The following CHRND variants were observed in gnomAD, a reference collection of about 807,000 sequenced individuals.
The protein encoded by CHRND is acetylcholine receptor subunit delta.
CHRND carries 40 observed loss-of-function variants against 57.8 expected under a neutral mutation model. The observed-to-expected ratio is 0.69, with a 90% CI of 0.54 to 0.90. The LOEUF (loss-of-function observed/expected upper bound fraction) is 0.90. Among genes scored for constraint, CHRND ranks in the 40% least tolerant of loss-of-function variants. The pLI is 0.00. For synonymous variants in CHRND, 237 were observed against 270.6 expected (o/e 0.88, Z 1.22); for missense variants, 634 against 673.9 (o/e 0.94, Z 0.66).
chr2:232,535,378 C>A lies in CHRND; in HGVS notation c.*66C>A. On this transcript the variant is annotated 3_prime_UTR_variant, in exon 12 of 12. Transcript: ENST00000258385. ...AGAGGAGCCACAGTCCCTAATGACA[C>A]CCACTCCTAGCCCTGAGGCTCGTGC... 1 of 1,578,092 alleles carries A rather than the reference C, an allele frequency of 6.3e-7. No homozygotes were observed. Among genetic ancestry groups the A allele is most frequent in the Non-Finnish European group, 8.6e-7 (1 of 1,158,390 alleles).
Position 232,529,083 on chromosome 2 carries a change from C to G in CHRND, c.619+112C>G, listed in dbSNP as rs926905862. 9.3e-6 allele frequency: 7 copies of G among 753,944 alleles called. No individual in the cohort carries two copies. In the Admixed American group the frequency reaches 9.9e-5, roughly 11 times the overall value. The allele number at this position is 753,944 out of a possible 1,614,324, so 46.7% of individuals were successfully genotyped here. ...GCACACACACACACACTTAGGACACCAATACACAGCTCCTCACACACGCAG... is the reference window on the plus strand; with the variant it reads ...GCACACACACACACACTTAGGACACGAATACACAGCTCCTCACACACGCAG... On this transcript the variant is annotated intron_variant, in intron 6 of 11. Transcript: ENST00000258385.
Position 232,526,612 on chromosome 2 carries a change from G to A in CHRND, c.136G>A (p.Ala46Thr), listed in dbSNP as rs1085307559. ...KGYNKELRPVAHKEESVDVAL... is the reference protein window; with the variant it reads ...KGYNKELRPVTHKEESVDVAL... ...CTACAACAAGGAGCTCCGGCCCGTGGCACACAAAGAGGAGAGTGTGGACGT... is the reference window on the plus strand; with the variant it reads ...CTACAACAAGGAGCTCCGGCCCGTGACACACAAAGAGGAGAGTGTGGACGT... Residue 46 changes from alanine to threonine, a missense_variant, in exon 2 of 12, where the codon GCA becomes ACA. Ala to Thr is a moderately conservative substitution (Grantham distance 58). Coordinates refer to ENST00000258385, the MANE Select transcript of CHRND (RefSeq NM_000751.3). The A allele has an allele frequency of 6.2e-7, 1 of 1,613,730 alleles. No individual in the cohort carries two copies. Among genetic ancestry groups the A allele is most frequent in the Non-Finnish European group, 8.5e-7 (1 of 1,180,022 alleles).
intron 4 of CHRND, 59 bp downstream of exon 4, chr2:232,528,430 C>T (rs1574630331): frequency 1.1e-5 from 17 of 1,613,728 alleles, no homozygotes; most frequent in East Asian, 4.5e-5. Flanking sequence ...CCTTAAGCCT[C>T]CTCTGCCTCC....
At chr2:232,528,408 C>T (rs765179580) in intron 4 of CHRND, 37 bp downstream of exon 4, 7 of 1,613,324 alleles carry the variant, frequency 4.3e-6, no homozygotes, top group South Asian at 3.3e-5. Flanking sequence ...CCTCTGTCAC[C>T]CTGCCTCCTT....
intron 7 of CHRND, among the ~76,000 whole-genome samples, chr2:232,531,088 T>C (rs1235666174): frequency 6.6e-6 from 1 of 152,168 alleles, no homozygotes. Context: ...TTAAACACAC[T>C]CTGTCACCAC....
In CHRND at chr2:232,528,589, C is replaced by T. The variant is rs199984639; in HGVS notation, c.442C>T (p.Arg148Cys). 91 of 1,614,006 alleles carry T rather than the reference C, an allele frequency of 5.6e-5. No homozygotes were observed. The Middle Eastern group carries it at 6.6e-4, about 12-fold the overall frequency. ...GTACTGGCTGCCACCTGCCATCTTCCGCTCCTCCTGCCCCATCTCTGTCAC... is the reference window on the plus strand; with the variant it reads ...GTACTGGCTGCCACCTGCCATCTTCTGCTCCTCCTGCCCCATCTCTGTCAC... ...FVYWLPPAIF[R>C]SSCPISVTYF... The change falls in exon 5 of 12, where the codon CGC (arginine) becomes TGC (cysteine). Residue 148 changes from arginine (R) to cysteine (C), a missense_variant. Physicochemically the swap from Arg to Cys is radical, Grantham distance 180 (BLOSUM62 -3). Coordinates refer to ENST00000258385, the MANE Select transcript of CHRND (RefSeq NM_000751.3).
chr2:232,529,703 C>A (rs113307585), intron 6 of CHRND, among the ~76,000 whole-genome samples: 10 of 152,186 alleles, frequency 6.6e-5, no homozygotes, highest in African/African-American at 2.4e-4. Flanking sequence ...ATGGCCTCAG[C>A]TTCTATTTTT....
chr2:232,529,299 G>A (rs1281933962), intron 6 of CHRND, among the ~76,000 whole-genome samples: 1 of 152,184 alleles, frequency 6.6e-6, no homozygotes, highest in Non-Finnish European at 1.5e-5. Context: ...AGTCTTTCCT[G>A]TGCCTGGTGA....
chr2:232,531,792 A>G, intron 9 of CHRND, 136 bp downstream of exon 9: 1 of 717,582 alleles, frequency 1.4e-6, no homozygotes, highest in Non-Finnish European at 2.5e-6. Context: ...TCTATAAACA[A>G]TCAAAAAAAT....
At chr2:232,529,899 G>A (rs1691618142) in intron 6 of CHRND, 40 bp from the exon 7 acceptor site, 1 of 1,607,958 alleles carries the variant, frequency 6.2e-7, no homozygotes. Flanking sequence ...TAGCCCCCTT[G>A]GCCTGGCCTG....
At position 232,528,538 on chromosome 2, in the gene CHRND, G is replaced by T. The variant is rs755141289; in HGVS notation, c.391G>T (p.Val131Leu). The change falls in exon 5 of 12, where the codon GTG (valine) becomes TTG (leucine). Residue 131 changes from valine to leucine, a missense_variant. By Grantham distance (32) the Val-to-Leu change is conservative. Transcript: ENST00000258385. The stretch of plus-strand genomic sequence containing the variant: ...CTTCCAGATCTCCTACTCCTGCAAC[G>T]TGCTTGTCTACCACTACGGCTTCGT... Reference protein sequence around the residue: ...GSFQISYSCNVLVYHYGFVYW... With the variant: ...GSFQISYSCNLLVYHYGFVYW... 3.7e-6 allele frequency: 6 copies of T among 1,614,052 alleles called. No individual in the cohort carries two copies. The highest frequency in any genetic ancestry group is 3.3e-4 in the Middle Eastern group (2 of 6,062).
At chr2:232,531,890 T>C (rs1279904399) in intron 9 of CHRND, among the ~76,000 whole-genome samples, 3 of 132,512 alleles carry the variant, frequency 2.3e-5, no homozygotes, top group Non-Finnish European at 4.6e-5. Flanking sequence ...AAAGCTGCAG[T>C]GAGCTGTGAT....
chr2:232,533,964 A>G lies in CHRND; in HGVS notation c.1081A>G (p.Met361Val). ...GGAGACCCTGCCGGAGCTCCTGCAC[A>G]TGTCCCGCCCAGCAGAGGATGGACC... ...FLETLPELLH[M>V]SRPAEDGPSP... Residue 361 changes from methionine to valine, a missense_variant, in exon 10 of 12, where the codon ATG becomes GTG. Transcript: ENST00000258385. The G allele has an allele frequency of 6.2e-7, 1 of 1,613,470 alleles. No homozygotes were observed. Among genetic ancestry groups the G allele is most frequent in the East Asian group, 2.2e-5 (1 of 44,878 alleles).
rs1288523389 is a variant in CHRND, at chr2:232,526,532, G to C, written c.56G>C (p.Ser19Thr). 6.2e-7 allele frequency: 1 copy of C among 1,613,656 alleles called. No homozygotes were observed. The highest frequency in any genetic ancestry group is 8.5e-7 in the Non-Finnish European group (1 of 1,180,034). Residue 19 changes from serine (S) to threonine (T), a missense_variant, in exon 2 of 12, where the codon AGC (serine) becomes ACC (threonine). Ser to Thr is a moderately conservative substitution (Grantham distance 58). Transcript: ENST00000258385. ...CCTTGTCGCTGACCCTCCCCAGGCA[G>C]CTGGGGGCTGAACGAGGAGGAGCGG... ...GLLAALAVCG[S>T]WGLNEEERLI...
chr2:232,528,521 TCTC>T lies in CHRND; in HGVS notation c.377_379del (p.Ser126del). On this transcript the variant is annotated inframe_deletion, in exon 5 of 12. Transcript: ENST00000258385. ...CCCAGCAATGACGGCTCCTTCCAGA[TCTC>T]CTACTCCTGCAACGTGCTTGTCTAC... 6.2e-7 allele frequency: 1 copy of T among 1,614,020 alleles called. No individual in the cohort carries two copies. The highest frequency in any genetic ancestry group is 8.5e-7 in the Non-Finnish European group (1 of 1,180,004).
In CHRND at chr2:232,526,514, G is replaced by T; in HGVS notation, c.53-15G>T. 2 of 1,613,448 alleles carry T rather than the reference G, an allele frequency of 1.2e-6. No individual in the cohort carries two copies. Among genetic ancestry groups the T allele is most frequent in the Non-Finnish European group, 1.7e-6 (2 of 1,180,016 alleles). On this transcript the variant is annotated splice_polypyrimidine_tract_variant and intron_variant, in intron 1 of 11. Coordinates refer to ENST00000258385, the MANE Select transcript of CHRND (RefSeq NM_000751.3). ...CCCAGGGCCCCATTCAGTCCTTGTC[G>T]CTGACCCTCCCCAGGCAGCTGGGGG... is the stretch of plus-strand genomic sequence containing the variant.
At chr2:232,529,811 G>A in intron 6 of CHRND, 128 bp from the exon 7 acceptor site, 1 of 919,484 alleles carries the variant, frequency 1.1e-6, no homozygotes, top group South Asian at 1.6e-5. Context: ...CCCACCAACG[G>A]GACCCCGTAG....
At position 232,528,590 on chromosome 2, in the gene CHRND, G is replaced by C; in HGVS notation, c.443G>C (p.Arg148Pro). ...TACTGGCTGCCACCTGCCATCTTCCGCTCCTCCTGCCCCATCTCTGTCACC... is the reference window on the plus strand; with the variant it reads ...TACTGGCTGCCACCTGCCATCTTCCCCTCCTCCTGCCCCATCTCTGTCACC... ...FVYWLPPAIF[R>P]SSCPISVTYF... Residue 148 changes from arginine (R) to proline (P), a missense_variant, in exon 5 of 12, where the codon CGC becomes CCC. Coordinates refer to ENST00000258385, the MANE Select transcript of CHRND (RefSeq NM_000751.3). The C allele has an allele frequency of 6.2e-7, 1 of 1,613,954 alleles. No homozygotes were observed. The highest frequency in any genetic ancestry group is 8.5e-7 in the Non-Finnish European group (1 of 1,179,996).
chr2:232,528,963 G>A lies in CHRND; in HGVS notation c.611G>A (p.Gly204Asp), dbSNP rs531000772. 1.9e-6 allele frequency: 3 copies of A among 1,613,780 alleles called. No individual in the cohort carries two copies. The highest frequency in any genetic ancestry group is 1.7e-6 in the Non-Finnish European group (2 of 1,179,802). The change falls in exon 6 of 12, where the codon GGC becomes GAC. Residue 204 changes from glycine to aspartate, a missense_variant. Gly to Asp is a moderately conservative substitution (Grantham distance 94). Transcript: ENST00000258385. ...PVEWIIIDPEGFTENGEWEIV... is the reference protein window; with the variant it reads ...PVEWIIIDPEDFTENGEWEIV... ...GAGTGGATCATCATTGATCCTGAAG[G>A]CTTCACAGGTGCTGGGAACAGCCGC...
Sources: allele counts gnomAD v4.1 joint callset (sites outside exome capture counted in the v4.1 genomes callset), GRCh38; gene constraint gnomAD v4.1.1; transcripts MANE v1.5; gene names NCBI Gene and HGNC (gene_info 2026-07-23, HGNC 2026-07-21).